Variants in TXNDC5 observed in about 807,000 individuals in gnomAD.
TXNDC5 encodes thioredoxin domain-containing protein 5.
A neutral mutation model predicts 52.6 loss-of-function variants in TXNDC5; 44 were observed. The observed-to-expected ratio is 0.84, with a 90% CI of 0.66 to 1.08. TXNDC5 has a LOEUF of 1.08. Among genes scored for constraint, TXNDC5 ranks in the 50% least tolerant of loss-of-function variants. The pLI is 0.00. For missense variants in TXNDC5, 600 were observed against 565.5 expected, an observed-to-expected ratio of 1.06 and a Z score of -0.62; for synonymous variants, 241 against 234.4, an observed-to-expected ratio of 1.03 and a Z score of -0.26.
At chr6:7,895,228 T>C (rs1345662686) in intron 3 of TXNDC5, 26 bp from the exon 4 acceptor site, 2 of 1,596,536 alleles carry the variant, frequency 1.3e-6, no homozygotes, top group Non-Finnish European at 1.7e-6. Context: ...AAAACAGTCA[T>C]GGGTGTGTCA....
intron 3 of TXNDC5, among the ~76,000 whole-genome samples, chr6:7,898,092 G>A (rs1411688217): frequency 6.7e-6 from 1 of 148,648 alleles, no homozygotes; most frequent in Non-Finnish European, 1.5e-5. Flanking sequence ...GATAGTTTTT[G>A]CTCTGTTGCA....
rs982110956 is a variant in TXNDC5, at chr6:7,885,176, T to C, written c.1047-688A>G. On this transcript the variant is annotated intron_variant, in intron 8 of 9. Transcript: ENST00000379757. ...CCTGTGCTTATTAACTTTTTACCCC[T>C]ATGGTTAGTTTCTCAGGAACATGTG... 3.9e-5 allele frequency among the ~76,000 whole-genome samples: 6 copies of C among 152,236 alleles called. 1 individual carries two copies. The highest frequency in any genetic ancestry group is 8.8e-5 in the Non-Finnish European group (6 of 68,040).
chr6:7,883,348 T>A, intron 9 of TXNDC5, 82 bp from the exon 10 acceptor site: 2 of 1,592,034 alleles, frequency 1.3e-6, no homozygotes, highest in Non-Finnish European at 1.7e-6. Context: ...CCAGATACAC[T>A]CCTACCGTTG....
intron 2 of TXNDC5, among the ~76,000 whole-genome samples, chr6:7,902,409 GCC>G (rs34280855): frequency 0.037 from 5,558 of 152,222 alleles, 181 homozygotes; most frequent in African/African-American, 0.089. Context: ...GAGCGTGGGA[GCC>G]CAAACTCCCT....
At chr6:7,905,144 C>T (rs1760691754) in intron 1 of TXNDC5, among the ~76,000 whole-genome samples, 1 of 152,138 alleles carries the variant, frequency 6.6e-6, no homozygotes, top group South Asian at 2.1e-4. Context: ...CCCTAAACTC[C>T]ACCTAGCTAA....
intron 6 of TXNDC5, chr6:7,889,175 G>T (rs1247403675): frequency 6.7e-6 from 3 of 448,020 alleles, no homozygotes; most frequent in Non-Finnish European, 1.2e-5. Flanking sequence ...GAGGCAGGCA[G>T]AACCGGACCA....
In TXNDC5 at chr6:7,891,640, T is replaced by A. The variant is rs145246440; in HGVS notation, c.713A>T (p.Glu238Val). 73 of 1,613,910 alleles carry A rather than the reference T, an allele frequency of 4.5e-5. No homozygotes were observed. In the African/African-American group the frequency reaches 6.7e-4, roughly 15 times the overall value. ...EQLALGLEHSETVKIGKVDCT... is the reference protein window; with the variant it reads ...EQLALGLEHSVTVKIGKVDCT... The stretch of plus-strand genomic sequence containing the variant: ...ACTCACCTTGCCAATCTTGACAGTT[T>A]CGGAATGTTCAAGGCCCAGAGCCAG... Residue 238 changes from glutamate (E) to valine (V), a missense_variant, in exon 5 of 10, where the codon GAA becomes GTA. Glu to Val is a moderately radical substitution (Grantham distance 121). Transcript: ENST00000379757.
chr6:7,888,708 G>A lies in TXNDC5; in HGVS notation c.960C>T (p.Asp320=). The A allele has an allele frequency of 4.3e-6, 7 of 1,609,650 alleles. No individual in the cohort carries two copies. Among genetic ancestry groups the A allele is most frequent in the Non-Finnish European group, 5.9e-6 (7 of 1,178,632 alleles). ...CCCGACTCCAGCAGGCACCCACCTT[G>A]TCAGCCTCGGGCTCAGCTGCCAGCA... ...APVLAAEPEA[D]KGTVLALTEN... is the part of the protein sequence containing the mutation. Residue 320 remains aspartate, a synonymous_variant, in exon 7 of 10, where the codon GAC becomes GAT. Coordinates refer to ENST00000379757, the MANE Select transcript of TXNDC5 (RefSeq NM_030810.5).
Position 7,882,560 on chromosome 6 carries a change from T to G in TXNDC5, c.*584A>C, listed in dbSNP as rs904660066. 6.5e-6 allele frequency: 1 copy of G among 152,888 alleles called. No individual in the cohort carries two copies. Among genetic ancestry groups the G allele is most frequent in the African/African-American group, 2.4e-5 (1 of 41,428 alleles). 9.5% of individuals were successfully genotyped at this position (152,888 alleles called of 1,614,324 possible). ...AACGCTGCTTTCATCACGGCTAACC[T>G]CTCACACTGAGAGAAGTATTCACAG... On this transcript the variant is annotated 3_prime_UTR_variant, in exon 10 of 10. Coordinates refer to ENST00000379757, the MANE Select transcript of TXNDC5 (RefSeq NM_030810.5).
intron 5 of TXNDC5, among the ~76,000 whole-genome samples, chr6:7,890,373 G>C (rs756932832): frequency 6.6e-6 from 1 of 152,176 alleles, no homozygotes; most frequent in Non-Finnish European, 1.5e-5. Context: ...AAGTACAAGA[G>C]GCCTCAGCCC....
At chr6:7,895,291 C>G in intron 3 of TXNDC5, 89 bp from the exon 4 acceptor site, 1 of 1,148,360 alleles carries the variant, frequency 8.7e-7, no homozygotes, top group Middle Eastern at 2.0e-4. Flanking sequence ...GGGGAACCGC[C>G]TGCAGATGCC....
chr6:7,896,831 G>A (rs1760385231), intron 3 of TXNDC5, among the ~76,000 whole-genome samples: 2 of 152,318 alleles, frequency 1.3e-5, no homozygotes, highest in Admixed American at 1.3e-4. Flanking sequence ...CCCCCGGCAT[G>A]GGAACACCAC....
intron 6 of TXNDC5, chr6:7,889,131 G>C (rs546074555): frequency 4.3e-6 from 2 of 468,942 alleles, no homozygotes; most frequent in African/African-American, 3.9e-5. Flanking sequence ...GGGGAACTCT[G>C]AGCTGCTGAC....
intron 1 of TXNDC5, among the ~76,000 whole-genome samples, chr6:7,906,408 C>A (rs951188045): frequency 1.3e-5 from 2 of 151,764 alleles, no homozygotes; most frequent in African/African-American, 4.8e-5. Context: ...TGGTGGCACA[C>A]GCCTGTAATC....
At chr6:7,909,911 C>G (rs1048342028) in intron 1 of TXNDC5, 2 of 985,974 alleles carry the variant, frequency 2.0e-6, no homozygotes, top group African/African-American at 1.7e-5. Context: ...CAAGGCCGCT[C>G]TGGTGAGTGC....
Position 7,891,697 on chromosome 6 carries a change from T to C in TXNDC5, c.656A>G (p.His219Arg), listed in dbSNP as rs1760195647. 6.2e-7 allele frequency: 1 copy of C among 1,613,908 alleles called. No individual in the cohort carries two copies. The highest frequency in any genetic ancestry group is 8.5e-7 in the Non-Finnish European group (1 of 1,179,864). The change falls in exon 5 of 10, where the codon CAC becomes CGC. Residue 219 changes from histidine (H) to arginine (R), a missense_variant. His to Arg is a conservative substitution (Grantham distance 29, BLOSUM62 0). Transcript: ENST00000379757. Reference sequence around the variant, plus strand: ...CCAGGTTGGAGCCAGGGCTTTGCAGTGACCACACCACGGAGCGAAGAACTT... The same window carrying C: ...CCAGGTTGGAGCCAGGGCTTTGCAGCGACCACACCACGGAGCGAAGAACTT... ...FIKFFAPWCG[H>R]CKALAPTWEQ...
At chr6:7,903,045 T>C (rs1383264990) in intron 2 of TXNDC5, among the ~76,000 whole-genome samples, 1 of 152,118 alleles carries the variant, frequency 6.6e-6, no homozygotes, top group Non-Finnish European at 1.5e-5. Flanking sequence ...CCCTGTGGCA[T>C]GGTGTGTGAT....
rs1410297293 is a variant in TXNDC5 at position 7,909,786 on chromosome 6, A to G, written c.263+728T>C. The stretch of plus-strand genomic sequence containing the variant: ...CCGGACCACTCCTTCCTATCCCACA[A>G]AAGACGCACAAAGTGGGAAACCACA... On this transcript the variant is annotated intron_variant, in intron 1 of 9. Coordinates refer to ENST00000379757, the MANE Select transcript of TXNDC5 (RefSeq NM_030810.5). 4.1e-6 allele frequency: 4 copies of G among 985,812 alleles called. No individual in the cohort carries two copies. In the African/African-American group the frequency reaches 7.0e-5, roughly 17 times the overall value. 61.1% of individuals were successfully genotyped at this position (985,812 alleles called of 1,614,324 possible).
rs2113366540 is a variant in TXNDC5, at chr6:7,904,566, C to T, written c.413+8G>A. 1.2e-6 allele frequency: 2 copies of T among 1,613,450 alleles called. No individual in the cohort carries two copies. The highest frequency in any genetic ancestry group is 2.2e-5 in the South Asian group (2 of 91,028). On this transcript the variant is annotated splice_region_variant and intron_variant, in intron 2 of 9. Coordinates refer to ENST00000379757, the MANE Select transcript of TXNDC5 (RefSeq NM_030810.5). ...CCTAGGAAGTGTGCCCCCTTCCTTC[C>T]AACTTACGTGGGGTATCCTCGCACC...
Sources: gnomAD v4.1 joint callset for allele counts (sites outside exome capture counted in the v4.1 genomes callset) on GRCh38, gnomAD v4.1.1 for gene constraint, MANE v1.5 for transcripts, NCBI Gene and HGNC (gene_info 2026-07-23, HGNC 2026-07-21) for gene names.